The following ICOS variants were observed in gnomAD, a reference collection of about 807,000 sequenced individuals.
ICOS encodes inducible T-cell costimulator.
A neutral mutation model predicts 24.6 loss-of-function variants in ICOS; 15 were observed. That is an observed-to-expected ratio of 0.61 (90% CI 0.41 to 0.94). The LOEUF is 0.94. ICOS is among the 40% of genes least tolerant of loss of function. The probability of loss-of-function intolerance (pLI) is 0.00; values close to 1 mark genes in which losing one functional copy is unlikely to be tolerated. For synonymous variants in ICOS, 89 were observed against 77.5 expected (o/e 1.15, Z -0.78); for missense variants, 200 against 233.0 (o/e 0.86, Z 0.92).
chr2:203,946,792 T>C (rs765789302), intron 1 of ICOS, among the ~76,000 whole-genome samples: 1 of 152,232 alleles, frequency 6.6e-6, no homozygotes, highest in Non-Finnish European at 1.5e-5. Flanking sequence ...CTAACACTTA[T>C]CATTGTTTGA....
At chr2:203,943,859 A>T (rs1272394321) in intron 1 of ICOS, among the ~76,000 whole-genome samples, 1 of 151,896 alleles carries the variant, frequency 6.6e-6, no homozygotes, top group Non-Finnish European at 1.5e-5. Flanking sequence ...AGGTCACTGG[A>T]GTTGTGTACC....
chr2:203,939,397 A>C (rs992895876), intron 1 of ICOS, among the ~76,000 whole-genome samples: 1 of 152,196 alleles, frequency 6.6e-6, no homozygotes, highest in African/African-American at 2.4e-5. Context: ...AACTTGGAGC[A>C]ATAGGACACT....
intron 1 of ICOS, among the ~76,000 whole-genome samples, chr2:203,948,478 A>G (rs1313268398): frequency 6.6e-6 from 1 of 152,218 alleles, no homozygotes; most frequent in Non-Finnish European, 1.5e-5. Flanking sequence ...GTCACCGTCT[A>G]TATATTCATT....
chr2:203,954,810 T>C (rs1553499227), intron 1 of ICOS, among the ~76,000 whole-genome samples: 2 of 150,612 alleles, frequency 1.3e-5, no homozygotes, highest in Non-Finnish European at 3.0e-5. Flanking sequence ...TTTGTATATA[T>C]ACACACACAT....
At chr2:203,948,212 G>A (rs1689906527) in intron 1 of ICOS, among the ~76,000 whole-genome samples, 1 of 152,190 alleles carries the variant, frequency 6.6e-6, no homozygotes, top group East Asian at 1.9e-4. Flanking sequence ...TTGGGGTAGT[G>A]TCTTGTATGC....
intron 1 of ICOS, among the ~76,000 whole-genome samples, chr2:203,952,335 C>A (rs1261612029): frequency 6.6e-6 from 1 of 152,292 alleles, no homozygotes; most frequent in African/African-American, 2.4e-5. Context: ...TCTTTCTAGA[C>A]AATGTGCTCT....
At chr2:203,952,083 A>G (rs1689988769) in intron 1 of ICOS, among the ~76,000 whole-genome samples, 1 of 152,216 alleles carries the variant, frequency 6.6e-6, no homozygotes, top group South Asian at 2.1e-4. Flanking sequence ...AATTTAATGA[A>G]TAATGCTAAA....
At chr2:203,957,716 T>A in intron 3 of ICOS, 83 bp from the exon 4 acceptor site, 2 of 1,056,540 alleles carry the variant, frequency 1.9e-6, no homozygotes, top group Non-Finnish European at 3.0e-6. Context: ...ACATACCACT[T>A]CAACAAAGAA....
intron 1 of ICOS, among the ~76,000 whole-genome samples, chr2:203,955,049 C>T (rs1378356629): frequency 6.6e-6 from 1 of 151,912 alleles, no homozygotes; most frequent in Non-Finnish European, 1.5e-5. Context: ...GTAGTTTGAT[C>T]AACAGGTAGA....
chr2:203,942,580 A>T (rs1330179054), intron 1 of ICOS, among the ~76,000 whole-genome samples: 20 of 152,214 alleles, frequency 1.3e-4, no homozygotes, highest in Admixed American at 1.3e-3. Context: ...ATATATAATA[A>T]CCCTTTCAAT....
chr2:203,956,235 T>TA (rs1166653871), intron 2 of ICOS, among the ~76,000 whole-genome samples: 2 of 152,166 alleles, frequency 1.3e-5, no homozygotes, highest in African/African-American at 4.8e-5. Context: ...CATATGCTAT[T>TA]AAAAATCAGG....
Position 203,949,775 on chromosome 2 carries a change from A to G in ICOS, c.59-5861A>G, listed in dbSNP as rs533205563. On this transcript the variant is annotated intron_variant, in intron 1 of 4. Transcript: ENST00000316386. ...ACACTGACAATTTTTAACTACTGGTATGGCAACAGAATTGACCAAATAGAT... is the reference window on the plus strand; with the variant it reads ...ACACTGACAATTTTTAACTACTGGTGTGGCAACAGAATTGACCAAATAGAT... 8.5e-5 allele frequency among the ~76,000 whole-genome samples: 13 copies of G among 152,344 alleles called. No individual in the cohort carries two copies. In the South Asian group the frequency reaches 2.1e-3, roughly 24 times the overall value.
At chr2:203,950,328 A>C (rs1029872221) in intron 1 of ICOS, among the ~76,000 whole-genome samples, 1 of 152,168 alleles carries the variant, frequency 6.6e-6, no homozygotes, top group Non-Finnish European at 1.5e-5. Flanking sequence ...GAGACAGCCA[A>C]TCTGGCTGTT....
intron 1 of ICOS, among the ~76,000 whole-genome samples, chr2:203,953,562 T>C (rs1314397333): frequency 3.3e-5 from 5 of 152,148 alleles, no homozygotes; most frequent in African/African-American, 1.2e-4. Flanking sequence ...AAATAAGTAA[T>C]TGTGTATCTT....
At chr2:203,939,312 A>C (rs968614948) in intron 1 of ICOS, among the ~76,000 whole-genome samples, 71 of 152,142 alleles carry the variant, frequency 4.7e-4, no homozygotes, top group African/African-American at 1.6e-3. Flanking sequence ...ATTAAGAAGG[A>C]TGGGAATCTT....
intron 1 of ICOS, among the ~76,000 whole-genome samples, chr2:203,953,054 T>C (rs1690012486): frequency 6.6e-6 from 1 of 152,164 alleles, no homozygotes; most frequent in Non-Finnish European, 1.5e-5. Context: ...AATTCAAGGA[T>C]TGAGGTTTTC....
chr2:203,953,148 G>A (rs1292043939), intron 1 of ICOS, among the ~76,000 whole-genome samples: 1 of 152,148 alleles, frequency 6.6e-6, no homozygotes, highest in East Asian at 1.9e-4. Flanking sequence ...CTCCAAGAAT[G>A]TAACTCTTTG....
At chr2:203,956,577 A>G (rs1439104310) in intron 2 of ICOS, 82 bp from the exon 3 acceptor site, 1 of 954,226 alleles carries the variant, frequency 1.0e-6, no homozygotes, top group African/African-American at 1.6e-5. Context: ...GCTTCATTTG[A>G]TTAAATAGCT....
In ICOS at chr2:203,957,772, A is replaced by G. The variant is rs373512827; in HGVS notation, c.502-27A>G. 3.9e-6 allele frequency: 6 copies of G among 1,523,360 alleles called. No individual in the cohort carries two copies. The African/African-American group carries it at 4.1e-5, about 10-fold the overall frequency. The allele number at this position is 1,523,360 out of a possible 1,614,324, so 94.4% of individuals were successfully genotyped here. On this transcript the variant is annotated intron_variant, in intron 3 of 4. Coordinates refer to ENST00000316386, the MANE Select transcript of ICOS (RefSeq NM_012092.4). ...AAGAGATGGAGAAGAAAAGATGACC[A>G]AGCATGTTTCTGGCTTTTTCTTTCA...
Sources: allele counts gnomAD v4.1 joint callset (sites outside exome capture counted in the v4.1 genomes callset), GRCh38; gene constraint gnomAD v4.1.1; transcripts MANE v1.5; gene names NCBI Gene and HGNC (gene_info 2026-07-23, HGNC 2026-07-21).